Variants in SPATA31H1 observed in about 807,000 individuals in gnomAD.
SPATA31H1 encodes SPATA31 subfamily H member 1.
the SPATA31H1 span, among the ~76,000 whole-genome samples, chr2:27,539,847 G>C: frequency 1.1e-5 from 1 of 94,120 alleles, no homozygotes; most frequent in African/African-American, 4.1e-5. Flanking sequence ...TCCCGGACCG[G>C]GCGGCTGGCC....
chr2:27,581,220 C>T, the SPATA31H1 span: 2 of 1,614,214 alleles, frequency 1.2e-6, no homozygotes, highest in South Asian at 2.2e-5. Flanking sequence ...GGAGAGAACC[C>T]CACGCGGTCC....
chr2:27,576,912 C>G, the SPATA31H1 span: 1 of 1,614,076 alleles, frequency 6.2e-7, no homozygotes, highest in Non-Finnish European at 8.5e-7. Flanking sequence ...AACAAATTAT[C>G]AAATCATGGA....
the SPATA31H1 span, chr2:27,581,977 C>G: frequency 6.2e-7 from 1 of 1,613,668 alleles, no homozygotes; most frequent in African/African-American, 1.3e-5. Flanking sequence ...CACAGTCCCT[C>G]TGAGAGAAGA....
At chr2:27,537,666 G>A in the SPATA31H1 span, 2 of 659,170 alleles carry the variant, frequency 3.0e-6, no homozygotes, top group Admixed American at 2.4e-5. Flanking sequence ...TGGATGCAGG[G>A]AGAGGGGAGT....
At chr2:27,581,411 T>C in the SPATA31H1 span, 3 of 1,610,902 alleles carry the variant, frequency 1.9e-6, no homozygotes, top group East Asian at 6.7e-5. Flanking sequence ...CTCAGAGAAA[T>C]CACTGCAGTC....
At chr2:27,554,269 G>C in the SPATA31H1 span, among the ~76,000 whole-genome samples, 1 of 151,878 alleles carries the variant, frequency 6.6e-6, no homozygotes, top group African/African-American at 2.4e-5. Flanking sequence ...TCTAGCATGC[G>C]CCTCAAAACT....
At chr2:27,556,857 T>TAA in the SPATA31H1 span, among the ~76,000 whole-genome samples, 6 of 107,762 alleles carry the variant, frequency 5.6e-5, no homozygotes, top group Non-Finnish European at 1.1e-4. Flanking sequence ...CCTGCGGCCT[T>TAA]GGCCTTCCGC....
chr2:27,579,758 G>T, the SPATA31H1 span: 1 of 1,614,160 alleles, frequency 6.2e-7, no homozygotes, highest in East Asian at 2.2e-5. Context: ...GGATTTCTGA[G>T]TCCCAACACT....
chr2:27,544,685 C>T, the SPATA31H1 span, among the ~76,000 whole-genome samples: 6 of 151,724 alleles, frequency 4.0e-5, no homozygotes, highest in South Asian at 2.1e-4. Context: ...CAGATGCATG[C>T]CACCATGCCT....
At chr2:27,575,779 A>G in the SPATA31H1 span, 1 of 398,384 alleles carries the variant, frequency 2.5e-6, no homozygotes, top group Non-Finnish European at 4.4e-6. This position sits in a 1 kb window ranked among gnomAD's most constrained non-coding sequence, Gnocchi z 4.1. Flanking sequence ...CCTGGGCCAC[A>G]TTTGCAAGGT....
chr2:27,562,887 A>C, the SPATA31H1 span, among the ~76,000 whole-genome samples: 2 of 135,828 alleles, frequency 1.5e-5, no homozygotes, highest in Non-Finnish European at 3.2e-5. Flanking sequence ...ATTCTGTCTC[A>C]AAAAAAAAAA....
At chr2:27,564,645 C>T in the SPATA31H1 span, among the ~76,000 whole-genome samples, 17 of 152,018 alleles carry the variant, frequency 1.1e-4, no homozygotes, top group Admixed American at 6.6e-4. Flanking sequence ...GGCAAAACCC[C>T]GTCTCTACTA....
At chr2:27,579,492 G>A in the SPATA31H1 span, 1 of 1,614,162 alleles carries the variant, frequency 6.2e-7, no homozygotes, top group Admixed American at 1.7e-5. Flanking sequence ...GAAAAGAATG[G>A]CCTTAAGGAT....
At chr2:27,569,755 G>C in the SPATA31H1 span, 1 of 398,892 alleles carries the variant, frequency 2.5e-6, no homozygotes. Flanking sequence ...TTGACTAAGA[G>C]GGAAGAGCTC....
At chr2:27,565,099 C>A in the SPATA31H1 span, among the ~76,000 whole-genome samples, 1 of 152,250 alleles carries the variant, frequency 6.6e-6, no homozygotes, top group Non-Finnish European at 1.5e-5. Flanking sequence ...AGTACAAATG[C>A]AACTTCTTGA....
chr2:27,540,315 A>G, the SPATA31H1 span, among the ~76,000 whole-genome samples: 3 of 87,636 alleles, frequency 3.4e-5, no homozygotes, highest in Admixed American at 1.2e-4. Flanking sequence ...GGCCGGGCAG[A>G]GGGGCTCCTC....
At chr2:27,565,187 A>G in the SPATA31H1 span, 4 of 602,146 alleles carry the variant, frequency 6.6e-6, no homozygotes, top group African/African-American at 7.5e-5. Flanking sequence ...TTGTTACGGC[A>G]TTTACATGTG....
the SPATA31H1 span, chr2:27,579,190 A>G: frequency 5.0e-6 from 8 of 1,613,956 alleles, no homozygotes; most frequent in Non-Finnish European, 6.8e-6. Flanking sequence ...AGACAACACA[A>G]TGTCTGGGAG....
At chr2:27,582,260 C>T in the SPATA31H1 span, 4 of 1,613,952 alleles carry the variant, frequency 2.5e-6, no homozygotes, top group African/African-American at 4.0e-5. Flanking sequence ...AAGGGAGGAC[C>T]TCTGAGAGGA....
Sources: allele counts gnomAD v4.1 joint callset (sites outside exome capture counted in the v4.1 genomes callset), GRCh38; gene constraint gnomAD v4.1.1; non-coding constraint Gnocchi (gnomAD v3.1); transcripts MANE v1.5; gene names NCBI Gene and HGNC (gene_info 2026-07-23, HGNC 2026-07-21).